The following CEP85L variants were observed in gnomAD, a reference collection of about 807,000 sequenced individuals.
The protein encoded by CEP85L is centrosomal protein 85L, also known as centrosomal protein of 85 kDa-like.
A neutral mutation model predicts 100.3 loss-of-function variants in CEP85L; 60 were observed. The observed-to-expected ratio is 0.60, with a 90% CI of 0.49 to 0.74. CEP85L has a LOEUF of 0.74. Ranked by LOEUF, CEP85L falls within the 30% of genes least tolerant of loss-of-function variation. The probability of loss-of-function intolerance (pLI) is 0.00; values close to 1 mark genes in which losing one functional copy is unlikely to be tolerated. For missense variants in CEP85L, 973 were observed against 936.2 expected, an observed-to-expected ratio of 1.04 and a Z score of -0.51; for synonymous variants, 319 against 322.7, an observed-to-expected ratio of 0.99 and a Z score of 0.12.
chr6:118,470,885 G>A (rs750494905), intron 10 of CEP85L, among the ~76,000 whole-genome samples: 1 of 152,020 alleles, frequency 6.6e-6, no homozygotes, highest in Non-Finnish European at 1.5e-5. Flanking sequence ...TTAAATTACA[G>A]TTTTTACCAA....
intron 4 of CEP85L, among the ~76,000 whole-genome samples, chr6:118,516,167 G>A (rs1337987499): frequency 6.6e-6 from 1 of 152,160 alleles, no homozygotes; most frequent in African/African-American, 2.4e-5. Context: ...GGGTATTTGG[G>A]TTGGTTCCAA....
At chr6:118,511,256 G>T in intron 5 of CEP85L, 42 bp downstream of exon 5, 1 of 1,204,098 alleles carries the variant, frequency 8.3e-7, no homozygotes, top group Non-Finnish European at 1.2e-6. Context: ...ATTAACACAA[G>T]CTTTACTACT....
chr6:118,564,898 T>C (rs1030757168), intron 3 of CEP85L: 3 of 152,204 alleles, frequency 2.0e-5, no homozygotes, highest in African/African-American at 7.2e-5. Context: ...TGCTATTCCC[T>C]AGACCAACTG....
At chr6:118,540,787 T>G (rs1046900854) in intron 3 of CEP85L, among the ~76,000 whole-genome samples, 2 of 136,410 alleles carry the variant, frequency 1.5e-5, no homozygotes, top group South Asian at 4.6e-4. Context: ...AATAAATAAA[T>G]AAATAAATAA....
At chr6:118,599,826 T>C (rs579528) in intron 2 of CEP85L, among the ~76,000 whole-genome samples, 145,793 of 152,280 alleles carry the variant, frequency 0.96, 69,809 homozygotes, top group South Asian at 0.97. Context: ...GTAAGACAAA[T>C]CTAATTTGAA....
chr6:118,651,223 G>A lies in CEP85L; in HGVS notation c.47C>T (p.Pro16Leu). ...LAPEASGRDS[P>L]GGARSFPAGP... is the part of the protein sequence containing the mutation. ...GGCAGGGAAGCTGCGGGCTCCGCCGGGGCTATCCCGGCCGCTGGCCTCCGG... is the reference window on the plus strand; with the variant it reads ...GGCAGGGAAGCTGCGGGCTCCGCCGAGGCTATCCCGGCCGCTGGCCTCCGG... Residue 16 changes from proline (P) to leucine (L), a missense_variant, in exon 1 of 13, where the codon CCC becomes CTC. Physicochemically the swap from Pro to Leu is moderately conservative, Grantham distance 98. Around this residue, in one of 3 missense-constraint regions of CEP85L, gnomAD observed 79 missense variants for 73.3 expected, o/e 1.08. Transcript: ENST00000368491. 1 of 1,496,608 alleles carries A rather than the reference G, an allele frequency of 6.7e-7. No individual in the cohort carries two copies. Among genetic ancestry groups the A allele is most frequent in the Non-Finnish European group, 8.9e-7 (1 of 1,129,440 alleles). 92.7% of individuals were successfully genotyped at this position (1,496,608 alleles called of 1,614,324 possible). A position where few individuals can be genotyped will look rare whatever the true frequency, so the allele number is the denominator to read the frequency against.
Position 118,465,387 on chromosome 6 carries a change from T to C in CEP85L, c.*18A>G. 1 of 1,609,528 alleles carries C rather than the reference T, an allele frequency of 6.2e-7. No individual in the cohort carries two copies. The highest frequency in any genetic ancestry group is 8.5e-7 in the Non-Finnish European group (1 of 1,177,192). ...CATTTAAACAACAGGTCATTATTGCTGTGGGACTAACACTTGATCACTGAG... is the reference window on the plus strand; with the variant it reads ...CATTTAAACAACAGGTCATTATTGCCGTGGGACTAACACTTGATCACTGAG... On this transcript the variant is annotated 3_prime_UTR_variant, in exon 13 of 13. Coordinates refer to ENST00000368491, the MANE Select transcript of CEP85L (RefSeq NM_001042475.3).
intron 1 of CEP85L, among the ~76,000 whole-genome samples, chr6:118,659,423 A>G (rs1775901051): frequency 6.6e-6 from 1 of 152,240 alleles, no homozygotes; most frequent in Admixed American, 6.5e-5. Flanking sequence ...TAATCTCCTA[A>G]TGAAGTTATG....
chr6:118,664,759 T>C (rs1776079133), intron 1 of CEP85L, among the ~76,000 whole-genome samples: 1 of 152,132 alleles, frequency 6.6e-6, no homozygotes, highest in Non-Finnish European at 1.5e-5. Flanking sequence ...ATCTTTCATC[T>C]AAAAATAATC....
chr6:118,556,997 AACT>A (rs1374261112), intron 3 of CEP85L, among the ~76,000 whole-genome samples: 1 of 152,176 alleles, frequency 6.6e-6, no homozygotes, highest in African/African-American at 2.4e-5. Context: ...GCATGATGGA[AACT>A]ACTACTATTA....
intron 3 of CEP85L, among the ~76,000 whole-genome samples, chr6:118,558,660 C>CACAGAGAGAGAG (rs1318088942): frequency 1.6e-5 from 2 of 122,216 alleles, no homozygotes; most frequent in African/African-American, 6.5e-5. Context: ...CACACACACA[C>CACAGAGAGAGAG]AGAGAGAGAG....
intron 1 of CEP85L, among the ~76,000 whole-genome samples, chr6:118,637,129 A>T (rs1427306113): frequency 6.6e-6 from 1 of 152,218 alleles, no homozygotes; most frequent in Non-Finnish European, 1.5e-5. Context: ...ACATCAGTAC[A>T]ATCTCAACTA....
intron 1 of CEP85L, among the ~76,000 whole-genome samples, chr6:118,683,314 CTA>C (rs1776728760): frequency 6.6e-6 from 1 of 152,164 alleles, no homozygotes; most frequent in Non-Finnish European, 1.5e-5. Context: ...GGGGGAGAAT[CTA>C]ATCTCTTTTT....
intron 3 of CEP85L, among the ~76,000 whole-genome samples, chr6:118,542,585 A>C (rs1249497037): frequency 8.7e-6 from 1 of 114,932 alleles, no homozygotes; most frequent in Non-Finnish European, 2.1e-5. Flanking sequence ...TACAGTACAG[A>C]AAGATTCATT....
chr6:118,504,146 G>A (rs1775492893), intron 5 of CEP85L, among the ~76,000 whole-genome samples: 1 of 152,168 alleles, frequency 6.6e-6, no homozygotes, highest in Non-Finnish European at 1.5e-5. Flanking sequence ...GGCCGAGGCA[G>A]GCGGATCACT....
intron 3 of CEP85L, among the ~76,000 whole-genome samples, chr6:118,553,144 TAAAAC>T (rs1304584649): frequency 6.7e-6 from 1 of 148,392 alleles, no homozygotes; most frequent in Non-Finnish European, 1.5e-5. Context: ...AACATGAAAA[TAAAAC>T]TAAACTATTT....
chr6:118,624,956 CAG>C (rs1773688265), intron 2 of CEP85L, among the ~76,000 whole-genome samples: 7 of 152,222 alleles, frequency 4.6e-5, no homozygotes, highest in Non-Finnish European at 7.3e-5. Flanking sequence ...CACAGGAATG[CAG>C]GAGGCCTCTC....
chr6:118,626,989 C>A (rs1205977194), intron 2 of CEP85L, among the ~76,000 whole-genome samples: 1 of 151,860 alleles, frequency 6.6e-6, no homozygotes, highest in Non-Finnish European at 1.5e-5. Context: ...CACTTGAGGC[C>A]AGGAGTTCAA....
At chr6:118,701,733 C>T (rs917737213) in intron 1 of CEP85L, among the ~76,000 whole-genome samples, 4 of 151,724 alleles carry the variant, frequency 2.6e-5, no homozygotes, top group Admixed American at 6.6e-5. Flanking sequence ...TGCAATATAC[C>T]CAGATAAAAA....
Sources: gnomAD v4.1 joint callset for allele counts (sites outside exome capture counted in the v4.1 genomes callset) on GRCh38, gnomAD v4.1.1 for gene constraint, gnomAD v4.1.1 regional missense constraint, MANE v1.5 for transcripts, NCBI Gene and HGNC (gene_info 2026-07-23, HGNC 2026-07-21) for gene names.